Variants in GSPT1 observed in about 807,000 individuals in gnomAD.
GSPT1 encodes the protein G1 to S phase transition 1.
GSPT1 carries 20 observed loss-of-function variants against 72.5 expected under a neutral mutation model. That is an observed-to-expected ratio of 0.28 (90% confidence interval 0.19 to 0.40). The LOEUF (loss-of-function observed/expected upper bound fraction) is 0.40, where lower values mean the gene tolerates loss of function less well. Among genes scored for constraint, GSPT1 ranks in the 10% least tolerant of loss-of-function variants. GSPT1 has a pLI of 1.00. For missense variants in GSPT1, 580 were observed against 811.9 expected (o/e 0.71, Z 3.47); for synonymous variants, 334 against 293.5 (o/e 1.14, Z -1.41).
At chr16:11,879,909 T>G (rs1489437034) in intron 11 of GSPT1, among the ~76,000 whole-genome samples, 1 of 152,148 alleles carries the variant, frequency 6.6e-6, no homozygotes, top group Non-Finnish European at 1.5e-5. Flanking sequence ...AGGTGTACAT[T>G]TCAATAGTAC....
chr16:11,909,335 C>G (rs1048892836), intron 1 of GSPT1, among the ~76,000 whole-genome samples: 2 of 152,130 alleles, frequency 1.3e-5, no homozygotes, highest in African/African-American at 2.4e-5. Flanking sequence ...TTGTTAAACT[C>G]TACTGAAAAC....
intron 11 of GSPT1, chr16:11,881,389 G>A (rs972161772): frequency 6.6e-6 from 1 of 151,962 alleles, no homozygotes; most frequent in African/African-American, 2.4e-5. Context: ...TTGCAAATAT[G>A]TCTGGGCACT....
chr16:11,915,418 G>A lies in GSPT1; in HGVS notation c.303C>T (p.Gly101=), dbSNP rs761012324. Reference sequence around the variant, plus strand: ...CGGCTCCGTGGTTATTGGCGGCGCCGCCAACTGGGGGTGGCGGCGCTGCCG... The same window carrying A: ...CGGCTCCGTGGTTATTGGCGGCGCCACCAACTGGGGGTGGCGGCGCTGCCG... ...RGPAAPPPPV[G]GAANNHGAGS... The change falls in exon 1 of 15, where the codon GGC becomes GGT. Residue 101 remains glycine, a synonymous_variant. Transcript: ENST00000434724. 6 of 1,504,828 alleles carry A rather than the reference G, an allele frequency of 4.0e-6. No individual in the cohort carries two copies. The highest frequency in any genetic ancestry group is 2.5e-5 in the South Asian group (2 of 79,690). 93.2% of individuals were successfully genotyped at this position (1,504,828 alleles called of 1,614,324 possible). A position where few individuals can be genotyped will look rare whatever the true frequency, so the allele number is the denominator to read the frequency against.
At position 11,915,210 on chromosome 16, in the gene GSPT1, C is replaced by T. The variant is rs886193762; in HGVS notation, c.352+159G>A. The T allele has an allele frequency of 3.0e-5, 33 of 1,105,114 alleles. No individual in the cohort carries two copies. In the Admixed American group the frequency reaches 1.6e-3, roughly 53 times the overall value. 68.5% of individuals were successfully genotyped at this position (1,105,114 alleles called of 1,614,324 possible). A position where few individuals can be genotyped will look rare whatever the true frequency, so the allele number is the denominator to read the frequency against. On this transcript the variant is annotated intron_variant, in intron 1 of 14. Coordinates refer to ENST00000434724, the MANE Select transcript of GSPT1 (RefSeq NM_002094.4). ...CCGCCGCGGGCCGCCCCGCGAAGGC[C>T]GGCTCCCGGGCTCGGGGCGCCCCAC...
At chr16:11,893,244 G>A (rs533135998) in intron 5 of GSPT1, among the ~76,000 whole-genome samples, 10 of 151,902 alleles carry the variant, frequency 6.6e-5, no homozygotes, top group Non-Finnish European at 8.8e-5. Context: ...ACTACCCTCC[G>A]GCCTGGGCAA....
chr16:11,916,118 TCCGGCAGCGC>T, upstream of GSPT1: 1 of 424,242 alleles, frequency 2.4e-6, no homozygotes, highest in Non-Finnish European at 4.5e-6. Flanking sequence ...AACTACAAGT[TCCGGCAGCGC>T]CCGCGCTACC....
At chr16:11,894,137 C>G (rs2054304379) in intron 5 of GSPT1, among the ~76,000 whole-genome samples, 1 of 101,316 alleles carries the variant, frequency 9.9e-6, no homozygotes, top group South Asian at 3.6e-4. Flanking sequence ...GCCTTGGTGA[C>G]AGAATGAGAC....
intron 1 of GSPT1, chr16:11,908,355 G>T (rs1466575272): frequency 6.6e-6 from 1 of 152,210 alleles, no homozygotes; most frequent in Non-Finnish European, 1.5e-5. Context: ...GGGTGCGGTG[G>T]CTCACACCTG....
chr16:11,887,779 A>G (rs2141287640), intron 6 of GSPT1, 29 bp from the exon 7 acceptor site: 1 of 1,460,066 alleles, frequency 6.8e-7, no homozygotes. Flanking sequence ...AAAGAACAAT[A>G]TTCCTAAGAA....
At chr16:11,881,672 TTA>T (rs1491521405) in intron 11 of GSPT1, 3 of 148,218 alleles carry the variant, frequency 2.0e-5, no homozygotes, top group East Asian at 2.0e-4. Context: ...TTTTTTTTTT[TTA>T]GTAAAGGTCT....
rs1308020997 is a variant in GSPT1, at chr16:11,915,919, G to T, written c.-199C>A. ...ACTCGCGACGACGACAGAGGCGGCG[G>T]CGGCGGCAGCTCAACCCTCCTCCTC... On this transcript the variant is annotated 5_prime_UTR_variant, in exon 1 of 15. Transcript: ENST00000434724. 2.5e-6 allele frequency: 2 copies of T among 805,306 alleles called. No individual in the cohort carries two copies. The highest frequency in any genetic ancestry group is 2.7e-5 in the South Asian group (2 of 74,642). 49.9% of individuals were successfully genotyped at this position (805,306 alleles called of 1,614,324 possible).
chr16:11,908,755 G>A (rs1329927179), intron 1 of GSPT1: 1 of 30,756 alleles, frequency 3.3e-5, no homozygotes, highest in Non-Finnish European at 4.6e-5. Context: ...GCGAGACTCC[G>A]TCTCAAAAAA....
At chr16:11,906,466 A>C (rs577889127) in intron 1 of GSPT1, among the ~76,000 whole-genome samples, 1 of 152,150 alleles carries the variant, frequency 6.6e-6, no homozygotes, top group South Asian at 2.1e-4. Context: ...CTCTGTCTCT[A>C]CAAAAAAAAA....
upstream of GSPT1, chr16:11,915,967 C>G (rs373880729): frequency 1.4e-6 from 1 of 722,306 alleles, no homozygotes; most frequent in African/African-American, 1.7e-5. Context: ...GGATCTCCTC[C>G]CACCCAACCA....
intron 10 of GSPT1, among the ~76,000 whole-genome samples, chr16:11,884,779 AAAG>A: frequency 6.8e-6 from 1 of 148,074 alleles, no homozygotes; most frequent in African/African-American, 2.5e-5. Context: ...AAAAAAAAAA[AAAG>A]AAGGCCAGGT....
At chr16:11,884,912 T>A (rs33650) in intron 10 of GSPT1, among the ~76,000 whole-genome samples, 21 of 150,986 alleles carry the variant, frequency 1.4e-4, no homozygotes, top group African/African-American at 4.8e-4. Flanking sequence ...ACTAAAAATA[T>A]AAAAAATTAG....
In GSPT1 at chr16:11,891,155, GAAA is replaced by G; in HGVS notation, c.699-19_699-17del. The G allele has an allele frequency of 8.7e-7, 1 of 1,154,054 alleles. No homozygotes were observed. Among genetic ancestry groups the G allele is most frequent in the Non-Finnish European group, 1.2e-6 (1 of 861,020 alleles). The allele number at this position is 1,154,054 out of a possible 1,614,324, so 71.5% of individuals were successfully genotyped here. ...AGTCAAATACCTGAAAACATTTAAA[GAAA>G]AAAAAAAGTAAACAATTACTCACAA... On this transcript the variant is annotated splice_polypyrimidine_tract_variant and intron_variant, in intron 5 of 14. Transcript: ENST00000434724.
chr16:11,881,673 T>TTTTTTTTTTTC, intron 11 of GSPT1: 2 of 145,248 alleles, frequency 1.4e-5, no homozygotes, highest in Admixed American at 7.1e-5. Flanking sequence ...TTTTTTTTTT[T>TTTTTTTTTTTC]AGTAAAGGTC....
At chr16:11,894,683 T>C (rs538082077) in intron 5 of GSPT1, among the ~76,000 whole-genome samples, 3 of 152,300 alleles carry the variant, frequency 2.0e-5, no homozygotes, top group East Asian at 1.9e-4. Flanking sequence ...CAGAGTCTCA[T>C]TGTCTTGCCC....
Sources: allele counts gnomAD v4.1 joint callset (sites outside exome capture counted in the v4.1 genomes callset), GRCh38; gene constraint gnomAD v4.1.1; transcripts MANE v1.5; gene names NCBI Gene and HGNC (gene_info 2026-07-23, HGNC 2026-07-21).